Variants in TTLL11 observed in about 807,000 individuals in gnomAD.
The protein encoded by TTLL11 is tubulin tyrosine ligase like 11.
Under a neutral mutation model 51.7 loss-of-function variants are expected in TTLL11, and 42 were observed. The ratio of observed to expected loss-of-function variants is 0.81; its 90% CI spans 0.64 to 1.05. The LOEUF (loss-of-function observed/expected upper bound fraction) is 1.05. TTLL11 is among the 50% of genes least tolerant of loss of function. The pLI is 0.00. For synonymous variants in TTLL11, 381 were observed against 383.5 expected (o/e 0.99, Z 0.08); for missense variants, 799 against 940.4 (o/e 0.85, Z 1.97).
chr9:121,896,799 G>A (rs1839543512), intron 6 of TTLL11, among the ~76,000 whole-genome samples: 1 of 152,224 alleles, frequency 6.6e-6, no homozygotes, highest in Non-Finnish European at 1.5e-5. Context: ...CGATGCTGCG[G>A]CTAGCCTGGG....
chr9:121,823,278 G>T (rs1248848343), intron 8 of TTLL11, among the ~76,000 whole-genome samples: 2 of 152,224 alleles, frequency 1.3e-5, no homozygotes, highest in African/African-American at 2.4e-5. Flanking sequence ...GGGCGCAGTG[G>T]CTCATGCCTA....
intron 4 of TTLL11, among the ~76,000 whole-genome samples, chr9:121,984,781 C>T (rs955893819): frequency 1.3e-5 from 2 of 152,176 alleles, no homozygotes; most frequent in African/African-American, 4.8e-5. Flanking sequence ...ACAGACCAAG[C>T]AATGGAACTG....
At chr9:122,007,801 G>C (rs1489167062) in intron 3 of TTLL11, among the ~76,000 whole-genome samples, 2 of 152,156 alleles carry the variant, frequency 1.3e-5, no homozygotes, top group Non-Finnish European at 2.9e-5. Flanking sequence ...CTTGGAGGCG[G>C]GGGAAAGTCT....
chr9:122,072,199 C>A (rs1845748263), intron 1 of TTLL11, among the ~76,000 whole-genome samples: 1 of 152,112 alleles, frequency 6.6e-6, no homozygotes, highest in Admixed American at 6.5e-5. Context: ...TATAGCAAAA[C>A]CCAGTCTCTA....
chr9:121,870,783 T>C, intron 6 of TTLL11, 35 bp from the exon 7 acceptor site: 3 of 1,484,952 alleles, frequency 2.0e-6, no homozygotes, highest in Non-Finnish European at 2.7e-6. Flanking sequence ...TATAACACTT[T>C]CCCTTTCAGT....
At chr9:121,944,462 C>T (rs556816954) in intron 6 of TTLL11, among the ~76,000 whole-genome samples, 11 of 151,840 alleles carry the variant, frequency 7.2e-5, no homozygotes, top group African/African-American at 2.4e-4. Context: ...GAGCCGAGAT[C>T]GCGCCACTGC....
intron 6 of TTLL11, among the ~76,000 whole-genome samples, chr9:121,873,401 T>TC (rs1838429987): frequency 9.1e-6 from 1 of 110,058 alleles, no homozygotes; most frequent in African/African-American, 3.4e-5. Context: ...TTTTTTTTTT[T>TC]GGCTTCAAGC....
intron 6 of TTLL11, among the ~76,000 whole-genome samples, chr9:121,877,324 C>T (rs1838602838): frequency 6.6e-6 from 1 of 152,230 alleles, no homozygotes; most frequent in Non-Finnish European, 1.5e-5. Flanking sequence ...TATAGCCCAG[C>T]TCTGTTGCTT....
At chr9:121,908,168 G>A (rs1172541142) in intron 6 of TTLL11, among the ~76,000 whole-genome samples, 1 of 152,186 alleles carries the variant, frequency 6.6e-6, no homozygotes, top group Non-Finnish European at 1.5e-5. Flanking sequence ...GTAGAAGACT[G>A]AGCAAGAAGC....
chr9:122,076,381 C>T (rs1845859737), intron 1 of TTLL11, among the ~76,000 whole-genome samples: 1 of 152,170 alleles, frequency 6.6e-6, no homozygotes, highest in African/African-American at 2.4e-5. Flanking sequence ...CTGGAAATTC[C>T]CATACCAAGC....
chr9:121,906,360 T>G (rs1013173233), intron 6 of TTLL11, among the ~76,000 whole-genome samples: 2 of 151,758 alleles, frequency 1.3e-5, no homozygotes, highest in African/African-American at 2.4e-5. Flanking sequence ...AAAAAAAATC[T>G]GTCTTCTCCA....
At chr9:122,080,920 T>C (rs559616629) in intron 1 of TTLL11, among the ~76,000 whole-genome samples, 3 of 152,204 alleles carry the variant, frequency 2.0e-5, no homozygotes, top group Non-Finnish European at 4.4e-5. Context: ...ATGTTAATGA[T>C]ACAATAAAAT....
At chr9:121,889,667 C>T (rs753963716) in intron 6 of TTLL11, among the ~76,000 whole-genome samples, 2 of 152,108 alleles carry the variant, frequency 1.3e-5, no homozygotes, top group South Asian at 2.1e-4. Context: ...TTTGGGAGGC[C>T]GAGATGGGTG....
At chr9:122,074,440 G>A (rs1207166472) in intron 1 of TTLL11, among the ~76,000 whole-genome samples, 5 of 152,170 alleles carry the variant, frequency 3.3e-5, no homozygotes, top group African/African-American at 9.7e-5. Context: ...GAAGGTACTT[G>A]TTGATTTAAA....
Position 122,062,142 on chromosome 9 carries a change from C to T in TTLL11, c.463-22774G>A, listed in dbSNP as rs1258662069. Among the ~76,000 whole-genome samples, 3 of 152,160 alleles carry T rather than the reference C, an allele frequency of 2.0e-5. No individual in the cohort carries two copies. In the East Asian group the frequency reaches 5.8e-4, roughly 29 times the overall value. ...TGCTATATTAAATATAGTAGCCAATCTCATGGGCACTTTGTTATTATACCT... is the reference window on the plus strand; with the variant it reads ...TGCTATATTAAATATAGTAGCCAATTTCATGGGCACTTTGTTATTATACCT... On this transcript the variant is annotated intron_variant, in intron 1 of 8. Coordinates refer to ENST00000321582, the MANE Select transcript of TTLL11 (RefSeq NM_001139442.2).
chr9:121,940,160 C>T (rs1841392621), intron 6 of TTLL11, among the ~76,000 whole-genome samples: 1 of 152,146 alleles, frequency 6.6e-6, no homozygotes, highest in South Asian at 2.1e-4. Flanking sequence ...AGCTTACAAG[C>T]AAAGGGCTTG....
At chr9:122,046,838 T>C (rs915769765) in intron 1 of TTLL11, among the ~76,000 whole-genome samples, 5 of 152,060 alleles carry the variant, frequency 3.3e-5, no homozygotes, top group African/African-American at 4.8e-5. Flanking sequence ...GATATGGAAA[T>C]GGAAGGGCTT....
intron 8 of TTLL11, among the ~76,000 whole-genome samples, chr9:121,838,180 C>T (rs780821848): frequency 6.6e-5 from 10 of 152,164 alleles, no homozygotes; most frequent in Non-Finnish European, 8.8e-5. Flanking sequence ...TTCCTTGAGT[C>T]TCGCCCATTT....
chr9:122,006,812 C>A (rs913671267), intron 3 of TTLL11, among the ~76,000 whole-genome samples: 1 of 151,498 alleles, frequency 6.6e-6, no homozygotes, highest in Non-Finnish European at 1.5e-5. Flanking sequence ...ATGATGAAAC[C>A]TCATCTTTAA....
Sources: gnomAD v4.1 joint callset for allele counts (sites outside exome capture counted in the v4.1 genomes callset) on GRCh38, gnomAD v4.1.1 for gene constraint, MANE v1.5 for transcripts, NCBI Gene and HGNC (gene_info 2026-07-23, HGNC 2026-07-21) for gene names.